Variants in TMEFF1 observed in about 807,000 individuals in gnomAD.
TMEFF1 encodes transmembrane protein with EGF like and two follistatin like domains 1.
TMEFF1 carries 20 observed loss-of-function variants against 47.5 expected under a neutral mutation model. The observed-to-expected ratio is 0.42, with a 90% CI of 0.30 to 0.61. The LOEUF (loss-of-function observed/expected upper bound fraction) is 0.61. TMEFF1 is among the 20% of genes least tolerant of loss of function. The pLI is 0.19. For synonymous variants in TMEFF1, 162 were observed against 166.3 expected (o/e 0.97, Z 0.20); for missense variants, 411 against 471.1 (o/e 0.87, Z 1.18).
At chr9:100,534,731 T>A (rs1187456813) in intron 5 of TMEFF1, among the ~76,000 whole-genome samples, 2 of 152,240 alleles carry the variant, frequency 1.3e-5, no homozygotes, top group Non-Finnish European at 1.5e-5. Context: ...AGGAGCACTG[T>A]CTTTTTCATA....
rs1162526176 is a variant in TMEFF1 at position 100,473,908 on chromosome 9, T to C, written c.196+168T>C. On this transcript the variant is annotated intron_variant, in intron 1 of 9. Coordinates refer to ENST00000374879, the MANE Select transcript of TMEFF1 (RefSeq NM_003692.5). This position sits in a 1 kb window ranked among gnomAD's most constrained non-coding sequence, Gnocchi z 5.4. ...AGGGCGCGAGCGTGCGGTGTGGCTT[T>C]GGGACCGGCGCTGGGGATGGGAGTG... Among the ~76,000 whole-genome samples, 1 of 151,066 alleles carries C rather than the reference T, an allele frequency of 6.6e-6. No individual in the cohort carries two copies. Among genetic ancestry groups the C allele is most frequent in the Non-Finnish European group, 1.5e-5 (1 of 67,784 alleles).
chr9:100,503,882 T>C (rs1281201878), intron 2 of TMEFF1, among the ~76,000 whole-genome samples: 1 of 152,202 alleles, frequency 6.6e-6, no homozygotes, highest in Non-Finnish European at 1.5e-5. Flanking sequence ...CCTTCACAGA[T>C]AAACCCAGAA....
At chr9:100,544,016 G>A (rs993271903) in intron 5 of TMEFF1, among the ~76,000 whole-genome samples, 1 of 151,960 alleles carries the variant, frequency 6.6e-6, no homozygotes, top group Admixed American at 6.5e-5. Flanking sequence ...TTATGGGTCA[G>A]TGCAACCTTT....
rs1167768184 is a variant in TMEFF1, at chr9:100,509,574, C to A, written c.436+440C>A. On this transcript the variant is annotated intron_variant, in intron 3 of 9. Coordinates refer to ENST00000374879, the MANE Select transcript of TMEFF1 (RefSeq NM_003692.5). Reference sequence around the variant, plus strand: ...AGATTACGAGGTCAGGAGATTGAGACCATCCTGGCTAACACAGTGAAACCC... The same window carrying A: ...AGATTACGAGGTCAGGAGATTGAGAACATCCTGGCTAACACAGTGAAACCC... Among the ~76,000 whole-genome samples the A allele has an allele frequency of 2.0e-5, 3 of 152,104 alleles. No individual in the cohort carries two copies. The South Asian group carries it at 6.2e-4, about 32-fold the overall frequency.
intron 1 of TMEFF1, among the ~76,000 whole-genome samples, chr9:100,487,458 G>A (rs1424176546): frequency 1.3e-5 from 2 of 152,140 alleles, no homozygotes; most frequent in African/African-American, 4.8e-5. Flanking sequence ...TTAAGCCACT[G>A]CGCCCAGCCT....
chr9:100,482,827 C>T (rs1051177029), intron 1 of TMEFF1, among the ~76,000 whole-genome samples: 28 of 152,230 alleles, frequency 1.8e-4, no homozygotes, highest in African/African-American at 6.7e-4. Flanking sequence ...GTCTGAACTC[C>T]TCTCCTGCCT....
chr9:100,540,542 C>T (rs1293728018), intron 5 of TMEFF1, among the ~76,000 whole-genome samples: 3 of 152,168 alleles, frequency 2.0e-5, no homozygotes, highest in Non-Finnish European at 1.5e-5. Flanking sequence ...GGAGCTGGCT[C>T]CGGCCTTGGC....
intron 9 of TMEFF1, among the ~76,000 whole-genome samples, chr9:100,575,523 C>T (rs2800283): frequency 0.51 from 76,878 of 151,972 alleles, 20,621 homozygotes; most frequent in Non-Finnish European, 0.59. Context: ...GTCTACCTCA[C>T]ACTTTTAAAA....
At chr9:100,492,872 T>A (rs541887154) in intron 1 of TMEFF1, among the ~76,000 whole-genome samples, 1 of 152,046 alleles carries the variant, frequency 6.6e-6, no homozygotes, top group South Asian at 2.1e-4. Context: ...CTATTAAAGG[T>A]GGGGGATTTA....
chr9:100,487,892 C>A (rs564459026), intron 1 of TMEFF1, among the ~76,000 whole-genome samples: 1 of 151,940 alleles, frequency 6.6e-6, no homozygotes, highest in East Asian at 1.9e-4. Flanking sequence ...TTCTAATGCA[C>A]CAGAATTTTG....
At chr9:100,525,365 G>A (rs1429857617) in intron 5 of TMEFF1, among the ~76,000 whole-genome samples, 4 of 152,198 alleles carry the variant, frequency 2.6e-5, no homozygotes, top group East Asian at 3.9e-4. Context: ...AAATTTTGGA[G>A]TTCCCATGCC....
intron 5 of TMEFF1, among the ~76,000 whole-genome samples, chr9:100,523,095 A>G (rs1469613461): frequency 6.6e-6 from 1 of 152,162 alleles, no homozygotes; most frequent in African/African-American, 2.4e-5. Context: ...TTGCCTTTAA[A>G]ATGCAAAACT....
chr9:100,474,871 G>A (rs970029671), intron 1 of TMEFF1, among the ~76,000 whole-genome samples: 1 of 152,142 alleles, frequency 6.6e-6, no homozygotes, highest in Admixed American at 6.5e-5. Context: ...GGTCCCAGCA[G>A]TAAAGTTCCT....
At chr9:100,544,522 G>A (rs568099203) in intron 5 of TMEFF1, among the ~76,000 whole-genome samples, 2 of 152,260 alleles carry the variant, frequency 1.3e-5, no homozygotes, top group South Asian at 2.1e-4. Context: ...TTCCTCCCAC[G>A]ACACGTGGGA....
chr9:100,559,423 G>A (rs143067169), intron 7 of TMEFF1, among the ~76,000 whole-genome samples: 1 of 152,288 alleles, frequency 6.6e-6, no homozygotes, highest in East Asian at 1.9e-4. Flanking sequence ...TTTCCATTAT[G>A]ATAGCTACTA....
rs562644649 is a variant in TMEFF1 at position 100,527,536 on chromosome 9, C to A, written c.560+10765C>A. Among the ~76,000 whole-genome samples the A allele has an allele frequency of 3.9e-5, 6 of 152,334 alleles. No homozygotes were observed. In the East Asian group the frequency reaches 1.2e-3, roughly 29 times the overall value. ...CCGAATACTGCGCTTTTCCGACGGG[C>A]TTAAAAAACGGCACACCACGAGATT... On this transcript the variant is annotated intron_variant, in intron 5 of 9. Transcript: ENST00000374879.
chr9:100,542,832 C>T (rs952996806), intron 5 of TMEFF1, among the ~76,000 whole-genome samples: 1 of 151,180 alleles, frequency 6.6e-6, no homozygotes, highest in African/African-American at 2.4e-5. Context: ...AGAGAAGTTG[C>T]TGAGAATATT....
intron 1 of TMEFF1, among the ~76,000 whole-genome samples, chr9:100,476,975 C>T (rs957200255): frequency 4.6e-5 from 7 of 152,094 alleles, no homozygotes; most frequent in African/African-American, 9.6e-5. Flanking sequence ...GGATTACAGG[C>T]GTGAGCCACC....
intron 6 of TMEFF1, among the ~76,000 whole-genome samples, chr9:100,549,304 T>C (rs1055056350): frequency 6.6e-6 from 1 of 152,090 alleles, no homozygotes; most frequent in African/African-American, 2.4e-5. Context: ...CAACTAGGTC[T>C]TGTGAGAACT....
Sources: allele counts gnomAD v4.1 joint callset (sites outside exome capture counted in the v4.1 genomes callset), GRCh38; gene constraint gnomAD v4.1.1; non-coding constraint Gnocchi (gnomAD v3.1); transcripts MANE v1.5; gene names NCBI Gene and HGNC (gene_info 2026-07-23, HGNC 2026-07-21).